FAM163B: variants seen among roughly 807,000 people sequenced by gnomAD.
The protein encoded by FAM163B is family with sequence similarity 163 member B, also known as protein FAM163B.
Under a neutral mutation model 7.6 loss-of-function variants are expected in FAM163B, and 4 were observed. The observed-to-expected ratio is 0.52, with a 90% CI of 0.26 to 1.20. The LOEUF (loss-of-function observed/expected upper bound fraction) is 1.20. Among genes scored for constraint, FAM163B ranks in the 50% most tolerant of loss-of-function variants. The pLI, the probability that FAM163B is intolerant of heterozygous loss-of-function variation, is 0.14. For synonymous variants in FAM163B, 120 were observed against 111.6 expected, an observed-to-expected ratio of 1.07 and a Z score of -0.47; for missense variants, 250 against 243.0, an observed-to-expected ratio of 1.03 and a Z score of -0.19.
At position 133,607,967 on chromosome 9, in the gene FAM163B, T is replaced by G. The variant is rs548140232; in HGVS notation, c.-24+1110A>C. On this transcript the variant is annotated intron_variant, in intron 1 of 2. Transcript: ENST00000673969. ...AGCCCTGGTCACCTCCACTTCACTC[T>G]CAATTCTATAAGAGGGAGAAGGTGG... is the stretch of plus-strand genomic sequence containing the variant. Among the ~76,000 whole-genome samples the G allele has an allele frequency of 2.0e-5, 3 of 152,260 alleles. No homozygotes were observed. The South Asian group carries it at 6.2e-4, about 32-fold the overall frequency.
At chr9:133,586,514 C>G (rs1411606583) in intron 1 of FAM163B, among the ~76,000 whole-genome samples, 1 of 152,214 alleles carries the variant, frequency 6.6e-6, no homozygotes, top group East Asian at 1.9e-4. Flanking sequence ...TTGCTGGCCA[C>G]TTCTGGGGTT....
At chr9:133,584,055 C>T (rs905749948) in intron 1 of FAM163B, among the ~76,000 whole-genome samples, 4 of 152,136 alleles carry the variant, frequency 2.6e-5, no homozygotes, top group East Asian at 1.9e-4. Flanking sequence ...CCATCCCCCC[C>T]CCGGACCTAC....
intron 1 of FAM163B, among the ~76,000 whole-genome samples, chr9:133,587,084 T>C (rs1258141759): frequency 6.6e-6 from 1 of 152,216 alleles, no homozygotes; most frequent in Non-Finnish European, 1.5e-5. Flanking sequence ...GATGATCCAC[T>C]GAGCAATGGA....
rs1339658968 is a variant in FAM163B at position 133,577,912 on chromosome 9, G to A, written c.*1110C>T. Reference sequence around the variant, plus strand: ...GTGGGCTCAGATGAGGTCTTCAGATGGCAGCAGTAGGCTCTGGCTGCTTGG... The same window carrying A: ...GTGGGCTCAGATGAGGTCTTCAGATAGCAGCAGTAGGCTCTGGCTGCTTGG... On this transcript the variant is annotated 3_prime_UTR_variant, in exon 3 of 3. Coordinates refer to ENST00000673969, the MANE Select transcript of FAM163B (RefSeq NM_001080515.3). Among the ~76,000 whole-genome samples the A allele has an allele frequency of 1.3e-5, 2 of 152,162 alleles. No individual in the cohort carries two copies. The highest frequency in any genetic ancestry group is 4.8e-5 in the African/African-American group (2 of 41,448).
chr9:133,580,891 G>A (rs1831346309), intron 1 of FAM163B, among the ~76,000 whole-genome samples: 3 of 152,136 alleles, frequency 2.0e-5, no homozygotes, highest in African/African-American at 7.2e-5. Context: ...TTTTCATCTT[G>A]CAAAACTGAA....
In FAM163B at chr9:133,600,199, CTGTG is replaced by C. The variant is rs1446538650; in HGVS notation, c.-24+8874_-24+8877del. On this transcript the variant is annotated intron_variant, in intron 1 of 2. Transcript: ENST00000673969. The surrounding 1 kb of genome is among the most constrained non-coding windows in gnomAD (Gnocchi z 4.9). ...GTGCATGTGTATGTGGGAATGTGGT[CTGTG>C]TGAGTGTGTGTGTGTGGGGGGGAAT... Among the ~76,000 whole-genome samples the C allele has an allele frequency of 6.2e-5, 8 of 129,300 alleles. No individual in the cohort carries two copies. The highest frequency in any genetic ancestry group is 5.0e-4 in the East Asian group (2 of 4,040). The allele number at this position is 129,300 out of a possible 152,430, so 84.8% of individuals were successfully genotyped here. A position where few individuals can be genotyped will look rare whatever the true frequency, so the allele number is the denominator to read the frequency against.
At chr9:133,605,469 C>T (rs763307949) in intron 1 of FAM163B, among the ~76,000 whole-genome samples, 7 of 152,176 alleles carry the variant, frequency 4.6e-5, no homozygotes, top group Non-Finnish European at 5.9e-5. Context: ...CAGCCTCCAC[C>T]GGAGCTCCCT....
intron 1 of FAM163B, among the ~76,000 whole-genome samples, chr9:133,588,217 G>A (rs1028590889): frequency 2.1e-4 from 32 of 152,308 alleles, no homozygotes; most frequent in African/African-American, 7.2e-4. Flanking sequence ...AGACCGAGTC[G>A]GGGATCGTGG....
chr9:133,592,370 G>A (rs115335022), intron 1 of FAM163B, among the ~76,000 whole-genome samples: 1,718 of 152,282 alleles, frequency 0.011, 38 homozygotes, highest in African/African-American at 0.039. Context: ...CCTGAGCTCA[G>A]AATTGAGCTT....
At position 133,579,333 on chromosome 9, in the gene FAM163B, G is replaced by A. The variant is rs1237229559; in HGVS notation, c.190C>T (p.Leu64=). The change falls in exon 3 of 3, where the codon CTG becomes TTG. Residue 64 remains leucine (L), a synonymous_variant. Coordinates refer to ENST00000673969, the MANE Select transcript of FAM163B (RefSeq NM_001080515.3). ...AGCGCCGGCCCGTTGGTCAGCACCA[G>A]GTTGCGGTTGGAGTGCAGCGGGGGC... The part of the protein sequence containing the change: ...HLPPLHSNRN[L]VLTNGPALYP... 6.2e-7 allele frequency: 1 copy of A among 1,613,750 alleles called. No individual in the cohort carries two copies. Among genetic ancestry groups the A allele is most frequent in the Non-Finnish European group, 8.5e-7 (1 of 1,179,960 alleles).
chr9:133,597,103 G>A (rs1304828496), intron 1 of FAM163B, among the ~76,000 whole-genome samples: 1 of 152,150 alleles, frequency 6.6e-6, no homozygotes, highest in Non-Finnish European at 1.5e-5. Context: ...CAAATTACCT[G>A]GCATGGAAAG....
chr9:133,599,889 G>A (rs1345737878), intron 1 of FAM163B, among the ~76,000 whole-genome samples: 1 of 149,862 alleles, frequency 6.7e-6, no homozygotes, highest in African/African-American at 2.5e-5. Flanking sequence ...GCATGCATAT[G>A]CATGTGCAAG....
intron 1 of FAM163B, among the ~76,000 whole-genome samples, chr9:133,589,628 GCA>G (rs567978572): frequency 3.0e-5 from 4 of 132,804 alleles, no homozygotes; most frequent in Non-Finnish European, 5.1e-5. Flanking sequence ...GACACAGCGC[GCA>G]CACACACAGT....
intron 1 of FAM163B, among the ~76,000 whole-genome samples, chr9:133,586,637 CAG>C (rs1230349496): frequency 6.6e-6 from 1 of 152,156 alleles, no homozygotes; most frequent in African/African-American, 2.4e-5. Flanking sequence ...GCAGGGCACA[CAG>C]TGTGTGTTTG....
chr9:133,606,081 C>T lies in FAM163B; in HGVS notation c.-24+2996G>A, dbSNP rs1831786444. Among the ~76,000 whole-genome samples, 1 of 152,222 alleles carries T rather than the reference C, an allele frequency of 6.6e-6. No individual in the cohort carries two copies. Among genetic ancestry groups the T allele is most frequent in the Non-Finnish European group, 1.5e-5 (1 of 68,050 alleles). ...ACAAGCCTGGCGGAACCGGACCCCA[C>T]CTGACTCTCCAGCCTCCTCCTTCAC... is the stretch of plus-strand genomic sequence containing the variant. On this transcript the variant is annotated intron_variant, in intron 1 of 2. Transcript: ENST00000673969. This position sits in a 1 kb window ranked among gnomAD's most constrained non-coding sequence, Gnocchi z 4.0.
chr9:133,598,587 C>T (rs1350307661), intron 1 of FAM163B, among the ~76,000 whole-genome samples: 1 of 138,914 alleles, frequency 7.2e-6, no homozygotes, highest in Non-Finnish European at 1.6e-5. Context: ...GCCAGGCACC[C>T]GCTGCTGGTG....
At chr9:133,590,868 G>A (rs993828307) in intron 1 of FAM163B, among the ~76,000 whole-genome samples, 7 of 152,214 alleles carry the variant, frequency 4.6e-5, no homozygotes, top group African/African-American at 1.4e-4. Context: ...TCAGGACATG[G>A]GACACATGGG....
intron 1 of FAM163B, among the ~76,000 whole-genome samples, chr9:133,604,474 A>G (rs943464242): frequency 6.6e-6 from 1 of 152,142 alleles, no homozygotes; most frequent in Non-Finnish European, 1.5e-5. Flanking sequence ...GGGGGCTTTT[A>G]CTTTGTAAAA....
chr9:133,580,033 G>T, intron 2 of FAM163B, 98 bp downstream of exon 2: 1 of 1,000,464 alleles, frequency 1.0e-6, no homozygotes, highest in Non-Finnish European at 1.5e-6. Context: ...CACTTCCCGG[G>T]CCGTGACCCT....
Sources: allele counts gnomAD v4.1 joint callset (sites outside exome capture counted in the v4.1 genomes callset), GRCh38; gene constraint gnomAD v4.1.1; non-coding constraint Gnocchi (gnomAD v3.1); transcripts MANE v1.5; gene names NCBI Gene and HGNC (gene_info 2026-07-23, HGNC 2026-07-21).